The following SLC2A13 variants were observed in gnomAD, a reference collection of about 807,000 sequenced individuals.
SLC2A13 encodes proton myo-inositol cotransporter.
A neutral mutation model predicts 64.4 loss-of-function variants in SLC2A13; 32 were observed. The ratio of observed to expected loss-of-function variants is 0.50; its 90% CI spans 0.37 to 0.67. The LOEUF is 0.67. Ranked by LOEUF, SLC2A13 falls within the 30% of genes least tolerant of loss-of-function variation. The probability of loss-of-function intolerance (pLI) is 0.00; values close to 1 mark genes in which losing one functional copy is unlikely to be tolerated. For synonymous variants in SLC2A13, 338 were observed against 327.1 expected (o/e 1.03, Z -0.36); for missense variants, 743 against 829.2 (o/e 0.90, Z 1.28).
intron 7 of SLC2A13, among the ~76,000 whole-genome samples, chr12:39,816,509 A>G (rs1293205336): frequency 6.6e-6 from 1 of 151,552 alleles, no homozygotes; most frequent in Non-Finnish European, 1.5e-5. Context: ...CAGCACACCA[A>G]CATGGCACAT....
At chr12:39,941,762 T>A (rs2136086558) in intron 4 of SLC2A13, among the ~76,000 whole-genome samples, 1 of 152,328 alleles carries the variant, frequency 6.6e-6, no homozygotes, top group African/African-American at 2.4e-5. Context: ...GCTTTTGTGT[T>A]CTTGGTCATG....
chr12:39,766,801 C>T (rs937561149), intron 7 of SLC2A13, among the ~76,000 whole-genome samples: 2 of 152,080 alleles, frequency 1.3e-5, no homozygotes, highest in Non-Finnish European at 2.9e-5. Flanking sequence ...TAAGAAACAA[C>T]TCCTTATCCG....
intron 3 of SLC2A13, among the ~76,000 whole-genome samples, chr12:40,003,005 C>A (rs749749389): frequency 1.3e-5 from 2 of 152,150 alleles, no homozygotes; most frequent in Admixed American, 6.5e-5. Flanking sequence ...TCACGCTAGG[C>A]GTATTGGTCA....
intron 5 of SLC2A13, among the ~76,000 whole-genome samples, chr12:39,865,384 G>A (rs753193767): frequency 1.3e-5 from 2 of 152,152 alleles, no homozygotes; most frequent in South Asian, 2.1e-4. Context: ...AGTTGAAAGA[G>A]CATGTTTTAT....
intron 7 of SLC2A13, among the ~76,000 whole-genome samples, chr12:39,771,882 C>CTT (rs951418729): frequency 1.3e-5 from 2 of 152,088 alleles, no homozygotes; most frequent in African/African-American, 4.8e-5. Flanking sequence ...AACTAAATTA[C>CTT]TTATTTTCTG....
chr12:40,017,975 T>TAAAAAAAAA (rs1565591824), intron 3 of SLC2A13, among the ~76,000 whole-genome samples: 1 of 89,124 alleles, frequency 1.1e-5, no homozygotes, highest in African/African-American at 4.5e-5. Flanking sequence ...ATGCACATAT[T>TAAAAAAAAA]TAAAAAAAAA....
intron 6 of SLC2A13, among the ~76,000 whole-genome samples, chr12:39,840,066 C>T (rs1943140034): frequency 2.0e-5 from 3 of 152,034 alleles, no homozygotes; most frequent in Admixed American, 2.0e-4. Flanking sequence ...GAGTCTCACT[C>T]TGTCACCCAG....
At chr12:40,095,377 C>G (rs1165481251) in intron 1 of SLC2A13, among the ~76,000 whole-genome samples, 1 of 152,188 alleles carries the variant, frequency 6.6e-6, no homozygotes, top group Admixed American at 6.5e-5. Context: ...TATATGTAAA[C>G]TAAACATACA....
intron 4 of SLC2A13, among the ~76,000 whole-genome samples, chr12:39,878,986 C>G (rs1304638190): frequency 6.6e-6 from 1 of 152,254 alleles, no homozygotes; most frequent in African/African-American, 2.4e-5. Context: ...CTGCTCCCCA[C>G]ATACTGGCCT....
intron 6 of SLC2A13, among the ~76,000 whole-genome samples, chr12:39,842,749 A>T (rs1025797768): frequency 2.4e-4 from 37 of 152,028 alleles, no homozygotes; most frequent in African/African-American, 8.9e-4. Flanking sequence ...TTCATTGCTC[A>T]AGAATAAATC....
intron 1 of SLC2A13, among the ~76,000 whole-genome samples, chr12:40,075,209 C>G (rs1938123440): frequency 6.6e-6 from 1 of 152,164 alleles, no homozygotes; most frequent in Admixed American, 6.5e-5. Flanking sequence ...GAGTGGAAGA[C>G]CCCTCCACCC....
At chr12:39,807,255 C>T (rs1482170876) in intron 7 of SLC2A13, among the ~76,000 whole-genome samples, 1 of 152,048 alleles carries the variant, frequency 6.6e-6, no homozygotes, top group East Asian at 1.9e-4. Context: ...ACTAGGGATC[C>T]CTGTGGTAAC....
At chr12:39,980,637 A>T (rs1415802651) in intron 3 of SLC2A13, among the ~76,000 whole-genome samples, 1 of 150,016 alleles carries the variant, frequency 6.7e-6, no homozygotes, top group Non-Finnish European at 1.5e-5. Flanking sequence ...TCCTAAATAT[A>T]TATGCACCCA....
At chr12:40,029,838 G>A (rs1339431032) in intron 2 of SLC2A13, among the ~76,000 whole-genome samples, 1 of 152,080 alleles carries the variant, frequency 6.6e-6, no homozygotes, top group African/African-American at 2.4e-5. Context: ...GGTGTCTTAC[G>A]CTTTAGGCCA....
At chr12:39,869,136 A>G (rs987784759) in intron 5 of SLC2A13, among the ~76,000 whole-genome samples, 1 of 152,226 alleles carries the variant, frequency 6.6e-6, no homozygotes, top group African/African-American at 2.4e-5. Flanking sequence ...ATATAAATGA[A>G]TAAAACAAAA....
chr12:40,064,467 G>T (rs781163157), intron 1 of SLC2A13, among the ~76,000 whole-genome samples: 17 of 151,962 alleles, frequency 1.1e-4, no homozygotes, highest in Non-Finnish European at 2.5e-4. Context: ...ATAAAAGAAG[G>T]AAAGAATAAA....
At chr12:39,870,587 G>A (rs1223809883) in intron 5 of SLC2A13, among the ~76,000 whole-genome samples, 2 of 152,222 alleles carry the variant, frequency 1.3e-5, no homozygotes, top group Middle Eastern at 3.4e-3. Flanking sequence ...TCTTCAACAG[G>A]TTTATAAACA....
intron 9 of SLC2A13, among the ~76,000 whole-genome samples, chr12:39,763,533 A>G (rs1203403189): frequency 6.6e-6 from 1 of 152,086 alleles, no homozygotes; most frequent in Non-Finnish European, 1.5e-5. Context: ...CTGGCCCTCC[A>G]GGGATTTATA....
At chr12:39,989,442 C>T (rs988420832) in intron 3 of SLC2A13, among the ~76,000 whole-genome samples, 1 of 152,212 alleles carries the variant, frequency 6.6e-6, no homozygotes, top group Admixed American at 6.5e-5. Context: ...CCCCTCCCCA[C>T]TAGAAATAAA....
Sources: allele counts gnomAD v4.1 joint callset (sites outside exome capture counted in the v4.1 genomes callset), GRCh38; gene constraint gnomAD v4.1.1; transcripts MANE v1.5; gene names NCBI Gene and HGNC (gene_info 2026-07-23, HGNC 2026-07-21).